PARD3B: variants seen among roughly 807,000 people sequenced by gnomAD.
The protein encoded by PARD3B is par-3 family cell polarity regulator beta.
In PARD3B, 103 loss-of-function variants were observed where a neutral mutation model predicts 130.2. The ratio of observed to expected loss-of-function variants is 0.79; its 90% CI spans 0.67 to 0.93. The LOEUF is 0.93. Ranked by LOEUF, PARD3B falls within the 40% of genes least tolerant of loss-of-function variation. PARD3B has a pLI of 0.00. For missense variants in PARD3B, 1,609 were observed against 1,499.2 expected, an observed-to-expected ratio of 1.07 and a Z score of -1.21; for synonymous variants, 583 against 553.2, an observed-to-expected ratio of 1.05 and a Z score of -0.76.
chr2:205,520,969 T>G (rs572875462), intron 21 of PARD3B, among the ~76,000 whole-genome samples: 17 of 151,750 alleles, frequency 1.1e-4, no homozygotes, highest in Admixed American at 1.1e-3. Context: ...AGCATTTGTA[T>G]TATTAGTTCT....
At chr2:205,608,825 C>A (rs1490807674) in intron 22 of PARD3B, among the ~76,000 whole-genome samples, 2 of 152,132 alleles carry the variant, frequency 1.3e-5, no homozygotes, top group Non-Finnish European at 2.9e-5. Flanking sequence ...ATATGAGCAA[C>A]CAAAATTATA....
chr2:205,589,005 T>C lies in PARD3B; in HGVS notation c.3261-26451T>C, dbSNP rs2054291780. The stretch of plus-strand genomic sequence containing the variant: ...AGTCTGCCATTCAAATAAGCATCTC[T>C]GGCTGGGCATGGTGGCTCATGCCCA... On this transcript the variant is annotated intron_variant, in intron 22 of 22. Coordinates refer to ENST00000406610, the MANE Select transcript of PARD3B (RefSeq NM_001302769.2). The surrounding 1 kb of genome is among the most constrained non-coding windows in gnomAD (Gnocchi z 4.1). Among the ~76,000 whole-genome samples the C allele has an allele frequency of 6.6e-6, 1 of 152,158 alleles. No homozygotes were observed. The highest frequency in any genetic ancestry group is 2.4e-5 in the African/African-American group (1 of 41,452).
At chr2:205,400,933 G>A in intron 18 of PARD3B, 80 bp from the exon 19 acceptor site, 1 of 972,862 alleles carries the variant, frequency 1.0e-6, no homozygotes, top group South Asian at 1.5e-5. Context: ...GACTTAATGA[G>A]CTCATCCCAT....
chr2:204,589,593 T>C (rs1385725740), intron 1 of PARD3B, among the ~76,000 whole-genome samples: 2 of 152,152 alleles, frequency 1.3e-5, no homozygotes, highest in Non-Finnish European at 2.9e-5. Flanking sequence ...ATATAGCTAT[T>C]GCATGAGGTT....
At chr2:205,427,511 C>G (rs1026832130) in intron 19 of PARD3B, among the ~76,000 whole-genome samples, 8 of 152,026 alleles carry the variant, frequency 5.3e-5, no homozygotes, top group Admixed American at 4.6e-4. Flanking sequence ...CTGTCTATTA[C>G]TATGTAAAAA....
At chr2:204,864,225 A>G (rs2045323130) in intron 2 of PARD3B, among the ~76,000 whole-genome samples, 1 of 152,138 alleles carries the variant, frequency 6.6e-6, no homozygotes, top group South Asian at 2.1e-4. Flanking sequence ...CCAGATTTGC[A>G]TATGGAAGTC....
At chr2:205,443,770 G>T (rs1254970541) in intron 20 of PARD3B, among the ~76,000 whole-genome samples, 1 of 152,154 alleles carries the variant, frequency 6.6e-6, no homozygotes, top group Non-Finnish European at 1.5e-5. Context: ...TGCAAAGCAG[G>T]CTGGGGTCAG....
chr2:205,265,202 G>A lies in PARD3B; in HGVS notation c.2185+19380G>A, dbSNP rs1457667273. The stretch of plus-strand genomic sequence containing the variant: ...ATAGAGTTTCATCACATTATTGTGT[G>A]TAAGATATATTTACAAGAGACTTAG... On this transcript the variant is annotated intron_variant, in intron 16 of 22. Coordinates refer to ENST00000406610, the MANE Select transcript of PARD3B (RefSeq NM_001302769.2). The surrounding 1 kb of genome is among the most constrained non-coding windows in gnomAD (Gnocchi z 4.3). Among the ~76,000 whole-genome samples, 1 of 151,964 alleles carries A rather than the reference G, an allele frequency of 6.6e-6. No homozygotes were observed. The highest frequency in any genetic ancestry group is 1.5e-5 in the Non-Finnish European group (1 of 67,926).
chr2:204,574,870 A>G (rs2032175138), intron 1 of PARD3B, among the ~76,000 whole-genome samples: 1 of 152,236 alleles, frequency 6.6e-6, no homozygotes, highest in Non-Finnish European at 1.5e-5. Context: ...GTTTGTGAGT[A>G]GATACATGAA....
chr2:204,609,398 G>A (rs1417329804), intron 1 of PARD3B, among the ~76,000 whole-genome samples: 2 of 152,276 alleles, frequency 1.3e-5, no homozygotes, highest in African/African-American at 2.4e-5. Flanking sequence ...AGTCTCAAGA[G>A]GTCCTGGGAA....
chr2:205,152,191 A>G (rs1370360225), intron 10 of PARD3B, among the ~76,000 whole-genome samples: 1 of 151,882 alleles, frequency 6.6e-6, no homozygotes, highest in Non-Finnish European at 1.5e-5. Context: ...TGCCCTTAAC[A>G]TTTTTTCCTT....
At chr2:204,980,073 C>A (rs1692534119) in intron 3 of PARD3B, among the ~76,000 whole-genome samples, 1 of 152,122 alleles carries the variant, frequency 6.6e-6, no homozygotes. Context: ...TTTAACACAT[C>A]TGTCTGACAA....
intron 2 of PARD3B, among the ~76,000 whole-genome samples, chr2:204,809,013 A>C (rs1464494550): frequency 2.0e-5 from 3 of 151,806 alleles, no homozygotes; most frequent in Non-Finnish European, 4.4e-5. Context: ...TTTGATTTGC[A>C]TTTCTCTAAT....
chr2:205,553,364 G>C lies in PARD3B; in HGVS notation c.3221G>C (p.Arg1074Pro), dbSNP rs572403823. ...RGPDGNAHNL[R>P]FEGMERQYAS... ...CCAGATGGGAATGCACACAACCTCCGCTTTGAAGGGATGGAGAGGCAGTAC... is the reference window on the plus strand; with the variant it reads ...CCAGATGGGAATGCACACAACCTCCCCTTTGAAGGGATGGAGAGGCAGTAC... The change falls in exon 22 of 23, where the codon CGC becomes CCC. Residue 1074 changes from arginine (R) to proline (P), a missense_variant. Coordinates refer to ENST00000406610, the MANE Select transcript of PARD3B (RefSeq NM_001302769.2). The C allele has an allele frequency of 4.3e-6, 7 of 1,613,908 alleles. No homozygotes were observed. In the South Asian group the frequency reaches 6.6e-5, roughly 15 times the overall value.
rs1019852047 is a variant in PARD3B at position 205,405,467 on chromosome 2, G to A, written c.2741+4344G>A. 6.6e-6 allele frequency among the ~76,000 whole-genome samples: 1 copy of A among 152,106 alleles called. No homozygotes were observed. Among genetic ancestry groups the A allele is most frequent in the Non-Finnish European group, 1.5e-5 (1 of 68,028 alleles). ...AGGTACTCTCCTAGACATCAGAATT[G>A]CATTGTGTCATATTTCCTGTGGATA... On this transcript the variant is annotated intron_variant, in intron 19 of 22. Coordinates refer to ENST00000406610, the MANE Select transcript of PARD3B (RefSeq NM_001302769.2). This position sits in a 1 kb window ranked among gnomAD's most constrained non-coding sequence, Gnocchi z 4.1.
chr2:205,398,741 G>T (rs1442428859), intron 18 of PARD3B, among the ~76,000 whole-genome samples: 1 of 152,204 alleles, frequency 6.6e-6, no homozygotes, highest in Non-Finnish European at 1.5e-5. Flanking sequence ...CCTCTACTAT[G>T]GGTCAAAACA....
chr2:205,237,257 G>A (rs141844144), intron 15 of PARD3B, among the ~76,000 whole-genome samples: 18 of 152,038 alleles, frequency 1.2e-4, no homozygotes, highest in African/African-American at 3.6e-4. Context: ...GTACCACCAC[G>A]CCAGGCTAAT....
At chr2:204,966,885 C>G (rs1189356600) in intron 3 of PARD3B, among the ~76,000 whole-genome samples, 1 of 152,122 alleles carries the variant, frequency 6.6e-6, no homozygotes, top group Non-Finnish European at 1.5e-5. Context: ...TTTATTTAAG[C>G]CTCGTCATAC....
At chr2:205,358,405 C>T (rs2044272436) in intron 18 of PARD3B, among the ~76,000 whole-genome samples, 1 of 152,184 alleles carries the variant, frequency 6.6e-6, no homozygotes, top group African/African-American at 2.4e-5. Flanking sequence ...TTAGTTTTAT[C>T]ACCTCTCTCA....
Sources: allele counts gnomAD v4.1 joint callset (sites outside exome capture counted in the v4.1 genomes callset), GRCh38; gene constraint gnomAD v4.1.1; non-coding constraint Gnocchi (gnomAD v3.1); transcripts MANE v1.5; gene names NCBI Gene and HGNC (gene_info 2026-07-23, HGNC 2026-07-21).